CERS2: variants seen among roughly 807,000 people sequenced by gnomAD.
CERS2 encodes ceramide synthase 2.
Under a neutral mutation model 56.6 loss-of-function variants are expected in CERS2, and 20 were observed. That is an observed-to-expected ratio of 0.35 (90% confidence interval 0.25 to 0.51). The LOEUF (loss-of-function observed/expected upper bound fraction) is 0.51. Among genes scored for constraint, CERS2 ranks in the 20% least tolerant of loss-of-function variants. CERS2 has a pLI of 0.96. For synonymous variants in CERS2, 187 were observed against 175.4 expected (o/e 1.07, Z -0.52); for missense variants, 361 against 488.6 (o/e 0.74, Z 2.46).
intron 2 of CERS2, 30 bp from the exon 3 acceptor site, chr1:150,968,542 G>A: frequency 6.5e-7 from 1 of 1,529,634 alleles, no homozygotes; most frequent in Non-Finnish European, 9.1e-7. Flanking sequence ...AAGGTATCTA[G>A]CTTGCTGGGA....
Position 150,967,555 on chromosome 1 carries a change from T to C in CERS2, c.520-71A>G, listed in dbSNP as rs587756431. On this transcript the variant is annotated intron_variant, in intron 6 of 10. Transcript: ENST00000368954. ...CCCACTCCACAAACCCCCTAGCCCC[T>C]GAGGTTCTTCATTCCATCACTCTAA... 9.2e-4 allele frequency: 1,287 copies of C among 1,406,320 alleles called. 19 individuals are homozygous for C. In the Middle Eastern group the frequency reaches 0.011, roughly 12 times the overall value. The allele number at this position is 1,406,320 out of a possible 1,614,324, so 87.1% of individuals were successfully genotyped here. A position where few individuals can be genotyped will look rare whatever the true frequency, so the allele number is the denominator to read the frequency against.
chr1:150,974,806 C>G lies in CERS2; in HGVS notation c.-189G>C, dbSNP rs946379229. 1.9e-5 allele frequency: 3 copies of G among 154,170 alleles called. No individual in the cohort carries two copies. Among genetic ancestry groups the G allele is most frequent in the Non-Finnish European group, 2.9e-5 (2 of 69,508 alleles). 9.6% of individuals were successfully genotyped at this position (154,170 alleles called of 1,614,324 possible). On this transcript the variant is annotated 5_prime_UTR_variant, in exon 1 of 11. Coordinates refer to ENST00000368954, the MANE Select transcript of CERS2 (RefSeq NM_022075.5). ...GGCGCCGCCGCCGCCGCCCGCCGAG[C>G]CCAGTCGAGCTGAGCCCGAGCCCAG...
intron 1 of CERS2, among the ~76,000 whole-genome samples, chr1:150,971,324 C>A (rs952621242): frequency 8.5e-5 from 13 of 152,226 alleles, no homozygotes; most frequent in Admixed American, 2.0e-4. Flanking sequence ...CTGGGCTGGG[C>A]TGGTCCTGCT....
rs1671100441 is a variant in CERS2 at position 150,968,769 on chromosome 1, C to T, written c.173+149G>A. 3.8e-6 allele frequency: 3 copies of T among 784,874 alleles called. No individual in the cohort carries two copies. In the Admixed American group the frequency reaches 7.1e-5, roughly 19 times the overall value. 48.6% of individuals were successfully genotyped at this position (784,874 alleles called of 1,614,324 possible). A position where few individuals can be genotyped will look rare whatever the true frequency, so the allele number is the denominator to read the frequency against. On this transcript the variant is annotated intron_variant, in intron 2 of 10. Transcript: ENST00000368954. Reference sequence around the variant, plus strand: ...TGAGCCTTCAGGAAGACAATGGTGCCTTCAGGGGAGGGGGTGCACAGTGGG... The same window carrying T: ...TGAGCCTTCAGGAAGACAATGGTGCTTTCAGGGGAGGGGGTGCACAGTGGG...
chr1:150,967,103 G>A lies in CERS2; in HGVS notation c.712C>T (p.Leu238=), dbSNP rs373527338. The change falls in exon 8 of 11, where the codon CTG becomes TTG. Residue 238 remains leucine, a synonymous_variant. Transcript: ENST00000368954. ...AGCAGGTAATCGGAAGAGTCATGCA[G>A]AGCCATGATTAGAGTCCCAGCTCGG... The part of the protein sequence containing the change: ...YIRAGTLIMA[L]HDSSDYLLES... The A allele has an allele frequency of 3.1e-6, 5 of 1,613,970 alleles. No individual in the cohort carries two copies. The African/African-American group carries it at 6.7e-5, about 22-fold the overall frequency.
rs954579779 is a variant in CERS2, at chr1:150,965,199, C to G, written c.*949G>C. 1 of 152,558 alleles carries G rather than the reference C, an allele frequency of 6.6e-6. No individual in the cohort carries two copies. The highest frequency in any genetic ancestry group is 2.4e-5 in the African/African-American group (1 of 41,410). 9.5% of individuals were successfully genotyped at this position (152,558 alleles called of 1,614,324 possible). ...GCAAGGAAGGCATAAGAAAGACTCTCTTCGTTTATTTAGTTGATCCCCCTT... is the reference window on the plus strand; with the variant it reads ...GCAAGGAAGGCATAAGAAAGACTCTGTTCGTTTATTTAGTTGATCCCCCTT... On this transcript the variant is annotated 3_prime_UTR_variant, in exon 11 of 11. Transcript: ENST00000368954.
intron 1 of CERS2, chr1:150,974,039 C>A (rs1360142764): frequency 2.0e-5 from 3 of 152,332 alleles, no homozygotes; most frequent in Admixed American, 6.5e-5. Flanking sequence ...GGCAGGCGCT[C>A]CGGGCCGCTC....
chr1:150,970,693 T>A (rs895902179), intron 1 of CERS2, among the ~76,000 whole-genome samples: 2 of 152,132 alleles, frequency 1.3e-5, no homozygotes, highest in Non-Finnish European at 2.9e-5. Flanking sequence ...TTGAATTTTT[T>A]TTTTGGTAGA....
Position 150,966,485 on chromosome 1 carries a change from T to G in CERS2, c.993A>C (p.Ile331=). Reference sequence around the variant, plus strand: ...GGGAACAGGGCTTCACCTTTCCAGTTATGAACTTGTGGGCCATGCGCAAAA... The same window carrying G: ...GGGAACAGGGCTTCACCTTTCCAGTGATGAACTTGTGGGCCATGCGCAAAA... The part of the protein sequence containing the change: ...YLILRMAHKF[I]TGKLVEDERS... Residue 331 remains isoleucine, a synonymous_variant, in exon 10 of 11, where the codon ATA becomes ATC. Transcript: ENST00000368954. 6.2e-7 allele frequency: 1 copy of G among 1,614,122 alleles called. No individual in the cohort carries two copies. The highest frequency in any genetic ancestry group is 8.5e-7 in the Non-Finnish European group (1 of 1,180,016).
intron 1 of CERS2, among the ~76,000 whole-genome samples, chr1:150,972,527 G>A (rs1272713819): frequency 6.6e-6 from 1 of 152,230 alleles, no homozygotes; most frequent in African/African-American, 2.4e-5. Flanking sequence ...AAGCTGAAGT[G>A]TACACACGGT....
At chr1:150,967,623 G>A (rs1318141603) in intron 6 of CERS2, 41 bp downstream of exon 6, 2 of 1,558,546 alleles carry the variant, frequency 1.3e-6, no homozygotes, top group Non-Finnish European at 1.8e-6. Context: ...TCACTAGGGT[G>A]TGTCTTAGTC....
intron 8 of CERS2, 79 bp from the exon 9 acceptor site, chr1:150,966,941 C>A (rs587740650): frequency 7.0e-7 from 1 of 1,426,846 alleles, no homozygotes; most frequent in South Asian, 1.2e-5. Flanking sequence ...CAGTTAGGAG[C>A]ACTGACTCTG....
rs950308187 is a variant in CERS2 at position 150,968,225 on chromosome 1, T to C, written c.292-24A>G. On this transcript the variant is annotated intron_variant, in intron 3 of 10. Transcript: ENST00000368954. Reference sequence around the variant, plus strand: ...ACCTGGGCACAGTGAAGAAGCCCATTGTTATGTTTACCTTCGGAACTCAGC... The same window carrying C: ...ACCTGGGCACAGTGAAGAAGCCCATCGTTATGTTTACCTTCGGAACTCAGC... The C allele has an allele frequency of 3.1e-6, 5 of 1,603,822 alleles. No homozygotes were observed. In the South Asian group the frequency reaches 3.3e-5, roughly 11 times the overall value.
At position 150,968,938 on chromosome 1, in the gene CERS2, G is replaced by A. The variant is rs1259231219; in HGVS notation, c.153C>T (p.Ile51=). The stretch of plus-strand genomic sequence containing the variant: ...CTTACAGCTCAAAGAAGTATCGAAC[G>A]ATGAGGAAGAGCAAGGCCAGGGGCA... ...ITLPLALLFL[I]VRYFFELYVA... is the part of the protein sequence containing the mutation. Residue 51 remains isoleucine (I), a synonymous_variant, in exon 2 of 11, where the codon ATC becomes ATT. Transcript: ENST00000368954. The A allele has an allele frequency of 3.1e-6, 5 of 1,613,610 alleles. No individual in the cohort carries two copies. In the East Asian group the frequency reaches 6.7e-5, roughly 22 times the overall value.
At position 150,968,157 on chromosome 1, in the gene CERS2, G is replaced by C; in HGVS notation, c.336C>G (p.Arg112=). 1 of 1,609,562 alleles carries C rather than the reference G, an allele frequency of 6.2e-7. No homozygotes were observed. Among genetic ancestry groups the C allele is most frequent in the Non-Finnish European group, 8.5e-7 (1 of 1,180,004 alleles). ...LLSRQSGLSG[R]QVERWFRRRR... Reference sequence around the variant, plus strand: ...GGCGACGGAACCAACGCTCTACCTGGCGGCCAGAGAGCCCGCTCTGCCGGG... The same window carrying C: ...GGCGACGGAACCAACGCTCTACCTGCCGGCCAGAGAGCCCGCTCTGCCGGG... The change falls in exon 4 of 11, where the codon CGC becomes CGG. Residue 112 remains arginine (R), a synonymous_variant. Coordinates refer to ENST00000368954, the MANE Select transcript of CERS2 (RefSeq NM_022075.5).
At chr1:150,973,663 G>A (rs587726371) in intron 1 of CERS2, among the ~76,000 whole-genome samples, 8 of 152,312 alleles carry the variant, frequency 5.3e-5, no homozygotes, top group Non-Finnish European at 1.0e-4. Context: ...ACTCCGGTAT[G>A]CGGCAGCAAC....
intron 1 of CERS2, among the ~76,000 whole-genome samples, chr1:150,971,190 G>T (rs1460797859): frequency 2.0e-5 from 3 of 152,186 alleles, no homozygotes; most frequent in African/African-American, 7.2e-5. Flanking sequence ...TGAGGCGGTG[G>T]GATTTAGGCT....
chr1:150,968,147 G>A lies in CERS2; in HGVS notation c.346C>T (p.Arg116Cys), dbSNP rs768792533. The A allele has an allele frequency of 9.9e-6, 16 of 1,609,526 alleles. No individual in the cohort carries two copies. In the Admixed American group the frequency reaches 2.3e-4, roughly 23 times the overall value. Reference sequence around the variant, plus strand: ...TGGTTGCGGCGGCGACGGAACCAACGCTCTACCTGGCGGCCAGAGAGCCCG... The same window carrying A: ...TGGTTGCGGCGGCGACGGAACCAACACTCTACCTGGCGGCCAGAGAGCCCG... ...QSGLSGRQVERWFRRRRNQDR... is the reference protein window; with the variant it reads ...QSGLSGRQVECWFRRRRNQDR... Residue 116 changes from arginine (R) to cysteine (C), a missense_variant, in exon 4 of 11, where the codon CGT becomes TGT. By Grantham distance (180) the Arg-to-Cys change is radical. This residue lies in a region of CERS2 where 236 missense variants were observed against 309.2 expected (regional missense o/e 0.76). Coordinates refer to ENST00000368954, the MANE Select transcript of CERS2 (RefSeq NM_022075.5).
intron 1 of CERS2, chr1:150,974,322 T>A (rs1406309490): frequency 2.6e-5 from 4 of 151,084 alleles, no homozygotes; most frequent in Non-Finnish European, 5.9e-5. Flanking sequence ...CCCTACCTGT[T>A]GCCCGGGAAA....
Sources: gnomAD v4.1 joint callset for allele counts (sites outside exome capture counted in the v4.1 genomes callset) on GRCh38, gnomAD v4.1.1 for gene constraint, gnomAD v4.1.1 regional missense constraint, MANE v1.5 for transcripts, NCBI Gene and HGNC (gene_info 2026-07-23, HGNC 2026-07-21) for gene names.